ADCYAP1R1: variants seen among roughly 807,000 people sequenced by gnomAD.
The protein encoded by ADCYAP1R1 is ADCYAP receptor type I.
In ADCYAP1R1, 44 loss-of-function variants were observed where a neutral mutation model predicts 67.6. That is an observed-to-expected ratio of 0.65 (90% CI 0.51 to 0.84). The LOEUF (loss-of-function observed/expected upper bound fraction) is 0.84, where lower values mean the gene tolerates loss of function less well. ADCYAP1R1 is among the 40% of genes least tolerant of loss of function. The pLI, the probability that ADCYAP1R1 is intolerant of heterozygous loss-of-function variation, is 0.00. For missense variants in ADCYAP1R1, 477 were observed against 587.9 expected, an observed-to-expected ratio of 0.81 and a Z score of 1.95; for synonymous variants, 222 against 219.6, an observed-to-expected ratio of 1.01 and a Z score of -0.10.
At chr7:31,085,535 C>T (rs1795709341) in intron 9 of ADCYAP1R1, 93 bp downstream of exon 9, 1 of 1,412,660 alleles carries the variant, frequency 7.1e-7, no homozygotes, top group Non-Finnish European at 9.6e-7. Flanking sequence ...TGCCTGACAC[C>T]CTGCAGATCA....
At position 31,086,915 on chromosome 7, in the gene ADCYAP1R1, C is replaced by A. The variant is rs772335872; in HGVS notation, c.824-28C>A. On this transcript the variant is annotated intron_variant, in intron 10 of 15. Transcript: ENST00000304166. This position sits in a 1 kb window ranked among gnomAD's most constrained non-coding sequence, Gnocchi z 5.0. ...TTGGACATGTTGGTTTTCCTGTTCT[C>A]ACGGACCTCTTTTTCTTGTTCTCCC... 1 of 1,613,546 alleles carries A rather than the reference C, an allele frequency of 6.2e-7. No homozygotes were observed. The highest frequency in any genetic ancestry group is 1.1e-5 in the South Asian group (1 of 91,052).
chr7:31,052,410 G>T lies in ADCYAP1R1; in HGVS notation c.-340G>T, dbSNP rs997243943. ...GCGCCGCGCGGGGCGGGCAAAGGGG[G>T]CGCTGCGCTCGGCCCCGGGCAGGGA... is the stretch of plus-strand genomic sequence containing the variant. On this transcript the variant is annotated 5_prime_UTR_variant, in exon 1 of 16. Coordinates refer to ENST00000304166, the MANE Select transcript of ADCYAP1R1 (RefSeq NM_001118.5). 2 of 151,480 alleles carry T rather than the reference G, an allele frequency of 1.3e-5. No homozygotes were observed. The highest frequency in any genetic ancestry group is 2.9e-5 in the Non-Finnish European group (2 of 67,814). The allele number at this position is 151,480 out of a possible 1,614,324, so 9.4% of individuals were successfully genotyped here. A position where few individuals can be genotyped will look rare whatever the true frequency, so the allele number is the denominator to read the frequency against.
rs1795347152 is a variant in ADCYAP1R1 at position 31,078,002 on chromosome 7, A to T, written c.169A>T (p.Met57Leu). 6.2e-7 allele frequency: 1 copy of T among 1,610,302 alleles called. No individual in the cohort carries two copies. Among genetic ancestry groups the T allele is most frequent in the Non-Finnish European group, 8.5e-7 (1 of 1,178,086 alleles). ...TGTCTTACCCACAGGCTGTCCTGGG[A>T]TGTGGGACAACATCACGTGTTGGAA... Reference protein sequence around the residue: ...FNDSSPGCPGMWDNITCWKPA... With the variant: ...FNDSSPGCPGLWDNITCWKPA... Residue 57 changes from methionine (M) to leucine (L), a missense_variant, in exon 4 of 16, where the codon ATG becomes TTG. Transcript: ENST00000304166.
rs999762720 is a variant in ADCYAP1R1 at position 31,102,773 on chromosome 7, G to A, written c.1047-464G>A. Among the ~76,000 whole-genome samples the A allele has an allele frequency of 6.6e-6, 1 of 151,972 alleles. No homozygotes were observed. The highest frequency in any genetic ancestry group is 1.5e-5 in the Non-Finnish European group (1 of 67,994). On this transcript the variant is annotated intron_variant, in intron 13 of 15. Coordinates refer to ENST00000304166, the MANE Select transcript of ADCYAP1R1 (RefSeq NM_001118.5). This position sits in a 1 kb window ranked among gnomAD's most constrained non-coding sequence, Gnocchi z 4.3. Reference sequence around the variant, plus strand: ...TTCCCCATCACTTGGTGAGTGTCCCGGCTAGCCCCAGGCTCCAAAAAGCCA... The same window carrying A: ...TTCCCCATCACTTGGTGAGTGTCCCAGCTAGCCCCAGGCTCCAAAAAGCCA...
In ADCYAP1R1 at chr7:31,086,851, G is replaced by C; in HGVS notation, c.824-92G>C. 1 of 1,330,974 alleles carries C rather than the reference G, an allele frequency of 7.5e-7. No individual in the cohort carries two copies. Among genetic ancestry groups the C allele is most frequent in the Non-Finnish European group, 1.1e-6 (1 of 924,858 alleles). 82.4% of individuals were successfully genotyped at this position (1,330,974 alleles called of 1,614,324 possible). A position where few individuals can be genotyped will look rare whatever the true frequency, so the allele number is the denominator to read the frequency against. The stretch of plus-strand genomic sequence containing the variant: ...CCCAGGAATTCCAAGTCTCATGGGG[G>C]AGCAATAGCCTCTCGGAGCCCCAGG... On this transcript the variant is annotated intron_variant, in intron 10 of 15. Coordinates refer to ENST00000304166, the MANE Select transcript of ADCYAP1R1 (RefSeq NM_001118.5). This position sits in a 1 kb window ranked among gnomAD's most constrained non-coding sequence, Gnocchi z 5.0.
At chr7:31,076,806 G>A (rs1013392840) in intron 3 of ADCYAP1R1, among the ~76,000 whole-genome samples, 8 of 152,128 alleles carry the variant, frequency 5.3e-5, no homozygotes, top group South Asian at 2.1e-4. Flanking sequence ...CCCTTAGGGC[G>A]GATGGGGGGC....
chr7:31,092,549 G>T, intron 12 of ADCYAP1R1, 95 bp from the exon 13 acceptor site: 1 of 872,946 alleles, frequency 1.1e-6, no homozygotes, highest in Non-Finnish European at 1.8e-6. Flanking sequence ...AGTGTAGATG[G>T]GATCTTGACT....
chr7:31,089,499 A>T (rs1420946517), intron 12 of ADCYAP1R1, among the ~76,000 whole-genome samples: 1 of 151,270 alleles, frequency 6.6e-6, no homozygotes, highest in Non-Finnish European at 1.5e-5. Flanking sequence ...CATTCAAGTA[A>T]TGATTTATTT....
In ADCYAP1R1 at chr7:31,104,055, T is replaced by C. The variant is rs142563884; in HGVS notation, c.1176+689T>C. On this transcript the variant is annotated intron_variant, in intron 14 of 15. Transcript: ENST00000304166. Reference sequence around the variant, plus strand: ...AGAAAGTTACTCTCCATATCTGACTTGACCTTCTCCACCATTTTAATCCAA... The same window carrying C: ...AGAAAGTTACTCTCCATATCTGACTCGACCTTCTCCACCATTTTAATCCAA... 2.9e-3 allele frequency among the ~76,000 whole-genome samples: 440 copies of C among 152,320 alleles called. 5 individuals are homozygous for C. Among genetic ancestry groups the C allele is most frequent in the African/African-American group, 0.01 (418 of 41,582 alleles).
chr7:31,081,133 G>A (rs561109115), intron 5 of ADCYAP1R1, among the ~76,000 whole-genome samples: 3 of 152,282 alleles, frequency 2.0e-5, no homozygotes, highest in Admixed American at 6.5e-5. Flanking sequence ...CCTTGGGAAA[G>A]GAGTTTTGAG....
At chr7:31,079,523 G>A (rs1370973011) in intron 4 of ADCYAP1R1, among the ~76,000 whole-genome samples, 2 of 152,240 alleles carry the variant, frequency 1.3e-5, no homozygotes, top group Non-Finnish European at 2.9e-5. Context: ...CCAGCACTGA[G>A]TCCTGCCTGC....
intron 13 of ADCYAP1R1, among the ~76,000 whole-genome samples, chr7:31,101,291 C>T (rs1020890452): frequency 3.3e-5 from 5 of 152,164 alleles, no homozygotes; most frequent in South Asian, 4.1e-4. Context: ...GTTTCTCACA[C>T]TCTGAATCCA....
intron 1 of ADCYAP1R1, among the ~76,000 whole-genome samples, chr7:31,054,465 C>T (rs1416719732): frequency 6.6e-6 from 1 of 152,234 alleles, no homozygotes; most frequent in African/African-American, 2.4e-5. Context: ...TGGCTTTTCA[C>T]ATGGCCACCT....
intron 13 of ADCYAP1R1, chr7:31,100,146 T>C: frequency 6.4e-7 from 1 of 1,550,636 alleles, no homozygotes; most frequent in South Asian, 1.2e-5. Context: ...GCAGAAATGC[T>C]ACTGCAAGCC....
chr7:31,067,234 A>C (rs1048912293), intron 3 of ADCYAP1R1, among the ~76,000 whole-genome samples: 3 of 152,190 alleles, frequency 2.0e-5, no homozygotes, highest in African/African-American at 7.2e-5. Context: ...AGGATCCCTC[A>C]TCTATCCCTA....
In ADCYAP1R1 at chr7:31,085,357, C is replaced by T. The variant is rs888752327; in HGVS notation, c.584C>T (p.Ser195Leu). The T allele has an allele frequency of 4.3e-6, 7 of 1,614,068 alleles. No individual in the cohort carries two copies. The highest frequency in any genetic ancestry group is 1.3e-5 in the African/African-American group (1 of 75,048). ...TTCATCCACATGAACCTGTTTGTGT[C>T]GTTCATGCTGAGGGCGATCTCCGTC... ...RNFIHMNLFV[S>L]FMLRAISVFI... Residue 195 changes from serine to leucine, a missense_variant, in exon 9 of 16, where the codon TCG becomes TTG. Ser to Leu is a moderately radical substitution (Grantham distance 145, BLOSUM62 -2). Coordinates refer to ENST00000304166, the MANE Select transcript of ADCYAP1R1 (RefSeq NM_001118.5).
chr7:31,086,699 T>C lies in ADCYAP1R1; in HGVS notation c.823+162T>C, dbSNP rs542404068. Among the ~76,000 whole-genome samples the C allele has an allele frequency of 1.2e-4, 18 of 152,286 alleles. No homozygotes were observed. The highest frequency in any genetic ancestry group is 4.3e-4 in the African/African-American group (18 of 41,574). ...GTCTTGGACTCTTTCTCAATCTTCTTGCCTGTGGAAAGCCCACTATCTCAG... is the reference window on the plus strand; with the variant it reads ...GTCTTGGACTCTTTCTCAATCTTCTCGCCTGTGGAAAGCCCACTATCTCAG... On this transcript the variant is annotated intron_variant, in intron 10 of 15. Transcript: ENST00000304166. This position sits in a 1 kb window ranked among gnomAD's most constrained non-coding sequence, Gnocchi z 5.0.
chr7:31,078,814 C>T (rs1449316829), intron 4 of ADCYAP1R1, among the ~76,000 whole-genome samples: 2 of 152,226 alleles, frequency 1.3e-5, no homozygotes, highest in African/African-American at 4.8e-5. Flanking sequence ...ACACGGGGAG[C>T]AGTGCCACAG....
At chr7:31,065,860 C>T (rs1794715131) in intron 3 of ADCYAP1R1, among the ~76,000 whole-genome samples, 1 of 152,228 alleles carries the variant, frequency 6.6e-6, no homozygotes, top group South Asian at 2.1e-4. Context: ...CCTGGCTCCT[C>T]TGAGCACCAT....
Sources: gnomAD v4.1 joint callset for allele counts (sites outside exome capture counted in the v4.1 genomes callset) on GRCh38, gnomAD v4.1.1 for gene constraint, Gnocchi (gnomAD v3.1) non-coding constraint, MANE v1.5 for transcripts, NCBI Gene and HGNC (gene_info 2026-07-23, HGNC 2026-07-21) for gene names.